The following RP1 variants were observed in gnomAD, a reference collection of about 807,000 sequenced individuals.
RP1 encodes RP1 axonemal microtubule associated.
Under a neutral mutation model 14.8 loss-of-function variants are expected in RP1, and 16 were observed. The observed-to-expected ratio is 1.08, with a 90% CI of 0.73 to 1.65. RP1 has a LOEUF of 1.65. Among genes scored for constraint, RP1 ranks in the 40% most tolerant of loss-of-function variants. The pLI is 0.00. For synonymous variants in RP1, 876 were observed against 883.6 expected (o/e 0.99, Z 0.15); for missense variants, 2,631 against 2,535.0 (o/e 1.04, Z -0.81).
intron 1 of RP1, among the ~76,000 whole-genome samples, chr8:54,603,863 G>A (rs1404912997): frequency 6.6e-6 from 1 of 152,176 alleles, no homozygotes; most frequent in African/African-American, 2.4e-5. Flanking sequence ...GTATAAGAAT[G>A]CTTGTGATTT....
At chr8:54,722,618 G>A (rs1167219127) in intron 16 of RP1, among the ~76,000 whole-genome samples, 3 of 152,118 alleles carry the variant, frequency 2.0e-5, no homozygotes, top group Non-Finnish European at 1.5e-5. Context: ...ACATTTGGGA[G>A]TTTTGAATTG....
At chr8:54,717,416 T>A (rs1185477694) in intron 15 of RP1, among the ~76,000 whole-genome samples, 2 of 152,158 alleles carry the variant, frequency 1.3e-5, no homozygotes, top group Non-Finnish European at 2.9e-5. Context: ...ATATTATCCT[T>A]ACTTGAGTTA....
chr8:54,787,819 T>G (rs917773916), intron 24 of RP1, among the ~76,000 whole-genome samples: 1 of 152,204 alleles, frequency 6.6e-6, no homozygotes, highest in Non-Finnish European at 1.5e-5. Context: ...GTTTTGCCTT[T>G]GTAAAAACAA....
chr8:54,858,253 G>T (rs1370241084), intron 27 of RP1, among the ~76,000 whole-genome samples: 1 of 152,168 alleles, frequency 6.6e-6, no homozygotes, highest in African/African-American at 2.4e-5. Flanking sequence ...TAGACACATA[G>T]TTCAACGAGT....
intron 27 of RP1, among the ~76,000 whole-genome samples, chr8:54,859,180 G>C (rs1218449201): frequency 6.6e-6 from 1 of 151,934 alleles, no homozygotes; most frequent in Admixed American, 6.6e-5. Flanking sequence ...ATCACTGTAG[G>C]TGGTGTCACT....
intron 1 of RP1, among the ~76,000 whole-genome samples, chr8:54,559,827 T>C (rs1804245570): frequency 6.6e-6 from 1 of 152,002 alleles, no homozygotes; most frequent in Admixed American, 6.6e-5. Flanking sequence ...AGGATGACTA[T>C]TAGAGACTGA....
intron 6 of RP1, among the ~76,000 whole-genome samples, chr8:54,657,288 G>C (rs1806775873): frequency 6.6e-6 from 1 of 152,158 alleles, no homozygotes; most frequent in Non-Finnish European, 1.5e-5. Context: ...ACTTTCTGCT[G>C]CTACTTCCCT....
intron 14 of RP1, among the ~76,000 whole-genome samples, chr8:54,702,913 T>G (rs1192718245): frequency 6.6e-6 from 1 of 152,250 alleles, no homozygotes; most frequent in Non-Finnish European, 1.5e-5. Flanking sequence ...AGAAGTAATC[T>G]TTCATCTGTT....
chr8:54,597,616 A>G (rs1019880460), intron 1 of RP1, among the ~76,000 whole-genome samples: 1 of 152,182 alleles, frequency 6.6e-6, no homozygotes, highest in African/African-American at 2.4e-5. Flanking sequence ...TGTCATGATT[A>G]CTTGCCTAAG....
exon 10 of RP1, chr8:54,679,476 A>T: frequency 6.5e-7 from 1 of 1,535,970 alleles, no homozygotes. Context: ...TATGCCAGGG[A>T]TAACAGTATC....
intron 14 of RP1, chr8:54,701,804 GT>G: frequency 1.4e-6 from 1 of 725,808 alleles, no homozygotes; most frequent in Non-Finnish European, 2.2e-6. Context: ...TTTCCATTCT[GT>G]TTGGCAGACT....
chr8:54,845,991 T>C (rs1274520444), intron 25 of RP1, among the ~76,000 whole-genome samples: 1 of 152,194 alleles, frequency 6.6e-6, no homozygotes, highest in African/African-American at 2.4e-5. Context: ...AAACTTCTGG[T>C]CTCTAAATAG....
intron 24 of RP1, among the ~76,000 whole-genome samples, chr8:54,825,571 C>G (rs551047989): frequency 1.3e-5 from 2 of 152,324 alleles, no homozygotes; most frequent in African/African-American, 4.8e-5. Flanking sequence ...ACGTATATGA[C>G]AGACAACTCT....
At chr8:54,604,326 A>T (rs896130362) in intron 1 of RP1, among the ~76,000 whole-genome samples, 10 of 152,124 alleles carry the variant, frequency 6.6e-5, no homozygotes, top group Non-Finnish European at 1.0e-4. Context: ...TTCTGTTTAT[A>T]TGCTGGATTA....
At chr8:54,668,880 A>G (rs963409087) in intron 7 of RP1, among the ~76,000 whole-genome samples, 15 of 152,206 alleles carry the variant, frequency 9.9e-5, no homozygotes, top group Admixed American at 9.8e-4. Flanking sequence ...AATTAATTCA[A>G]GATGGGTTAA....
intron 25 of RP1, among the ~76,000 whole-genome samples, chr8:54,846,166 A>G (rs1811915946): frequency 6.6e-6 from 1 of 152,236 alleles, no homozygotes; most frequent in Non-Finnish European, 1.5e-5. Context: ...ATCCAGATTA[A>G]AGACAGAACT....
At chr8:54,796,758 G>T (rs1421233339) in intron 24 of RP1, among the ~76,000 whole-genome samples, 1 of 152,134 alleles carries the variant, frequency 6.6e-6, no homozygotes, top group Non-Finnish European at 1.5e-5. Context: ...ATCCAGAATG[G>T]TGAGAGAATA....
In RP1 at chr8:54,863,044, GATATATATATATAT is replaced by G. The variant is rs61233765; in HGVS notation, c.4070-2770_4070-2757del. Among the ~76,000 whole-genome samples the G allele has an allele frequency of 5.0e-4, 51 of 101,844 alleles. 1 individual carries two copies. The highest frequency in any genetic ancestry group is 1.4e-3 in the African/African-American group (38 of 27,212). 66.8% of individuals were successfully genotyped at this position (101,844 alleles called of 152,430 possible). ...CTCTACCCCCAGAGTATTCCAAATG[GATATATATATATAT>G]ATATATATATATATATATATGCAGA... On this transcript the variant is annotated intron_variant, in intron 27 of 28. Transcript: ENST00000637698.
At position 54,628,457 on chromosome 8, in the gene RP1, T is replaced by C; in HGVS notation, c.4575T>C (p.Tyr1525=). Residue 1525 remains tyrosine, a synonymous_variant, in exon 4 of 4, where the codon TAT becomes TAC. Transcript: ENST00000220676. The part of the protein sequence containing the change: ...MEEKRMNGII[Y]EIISKRLATP... ...AAAAAAGAATGAACGGTATAATTTA[T>C]GAAATAATCAGTAAGAGGCTGGCAA... 6.2e-7 allele frequency: 1 copy of C among 1,613,426 alleles called. No homozygotes were observed. The highest frequency in any genetic ancestry group is 8.5e-7 in the Non-Finnish European group (1 of 1,179,704).
Sources: gnomAD v4.1 joint callset for allele counts (sites outside exome capture counted in the v4.1 genomes callset) on GRCh38, gnomAD v4.1.1 for gene constraint, MANE v1.5 for transcripts, NCBI Gene and HGNC (gene_info 2026-07-23, HGNC 2026-07-21) for gene names.